Variants in ULK4 observed in about 807,000 individuals in gnomAD.
ULK4 encodes inactive serine/threonine-protein kinase ULK4.
In ULK4, 133 loss-of-function variants were observed where a neutral mutation model predicts 160.6. The observed-to-expected ratio is 0.83, with a 90% confidence interval of 0.72 to 0.96. The LOEUF is 0.96. ULK4 is among the 40% of genes least tolerant of loss of function. The pLI is 0.00. For synonymous variants in ULK4, 534 were observed against 539.8 expected, an observed-to-expected ratio of 0.99 and a Z score of 0.15; for missense variants, 1,580 against 1,499.5, an observed-to-expected ratio of 1.05 and a Z score of -0.89.
intron 21 of ULK4, among the ~76,000 whole-genome samples, chr3:41,758,545 A>G (rs2038880027): frequency 6.6e-6 from 1 of 152,192 alleles, no homozygotes; most frequent in East Asian, 1.9e-4. Flanking sequence ...AAACTTGATG[A>G]CCAAGTGAGG....
At position 41,519,681 on chromosome 3, in the gene ULK4, C is replaced by T. The variant is rs1046333673; in HGVS notation, c.3226+46344G>A. On this transcript the variant is annotated intron_variant, in intron 32 of 36. Transcript: ENST00000301831. ...ACAGTGCGCACACGAATAAAAGAAA[C>T]ACTGTGTACATTTTATTCATTTTGC... Among the ~76,000 whole-genome samples the T allele has an allele frequency of 2.6e-5, 4 of 152,156 alleles. No homozygotes were observed. In the East Asian group the frequency reaches 7.7e-4, roughly 29 times the overall value.
intron 27 of ULK4, among the ~76,000 whole-genome samples, chr3:41,689,397 C>A (rs1401024425): frequency 6.6e-6 from 1 of 152,146 alleles, no homozygotes; most frequent in Non-Finnish European, 1.5e-5. Context: ...AGCAGCAACA[C>A]CAACAATTTA....
At chr3:41,920,267 G>A (rs1699137983) in intron 5 of ULK4, among the ~76,000 whole-genome samples, 3 of 152,148 alleles carry the variant, frequency 2.0e-5, no homozygotes, top group Non-Finnish European at 4.4e-5. Context: ...CTTGGAGGCA[G>A]GGAGAAAGAA....
At chr3:41,443,536 G>C (rs1325718209) in intron 34 of ULK4, among the ~76,000 whole-genome samples, 1 of 152,138 alleles carries the variant, frequency 6.6e-6, no homozygotes, top group Non-Finnish European at 1.5e-5. Flanking sequence ...TTTCTTGACT[G>C]AAGAGCTAAT....
At chr3:41,450,104 A>G (rs2125866172) in intron 34 of ULK4, among the ~76,000 whole-genome samples, 1 of 152,230 alleles carries the variant, frequency 6.6e-6, no homozygotes, top group East Asian at 1.9e-4. Flanking sequence ...AGGCTGTAGC[A>G]TCATTTCTTA....
chr3:41,360,758 G>A (rs569773295), intron 35 of ULK4, among the ~76,000 whole-genome samples: 1 of 152,244 alleles, frequency 6.6e-6, no homozygotes, highest in South Asian at 2.1e-4. Flanking sequence ...ACACATTGGG[G>A]CCTGTCAGAG....
At chr3:41,792,772 A>G (rs2040188647) in intron 20 of ULK4, among the ~76,000 whole-genome samples, 1 of 152,266 alleles carries the variant, frequency 6.6e-6, no homozygotes, top group Non-Finnish European at 1.5e-5. Flanking sequence ...AACTGAGAAG[A>G]TGCACAGAGC....
At chr3:41,623,404 A>C (rs2033347311) in intron 30 of ULK4, among the ~76,000 whole-genome samples, 1 of 152,218 alleles carries the variant, frequency 6.6e-6, no homozygotes, top group Non-Finnish European at 1.5e-5. Context: ...TCTAGCAAAA[A>C]AAAATGTGAT....
intron 27 of ULK4, among the ~76,000 whole-genome samples, chr3:41,701,273 A>C (rs2036665793): frequency 6.6e-6 from 1 of 151,712 alleles, no homozygotes; most frequent in South Asian, 2.1e-4. Flanking sequence ...ATTTAGTTAC[A>C]TCATAGTGAA....
intron 30 of ULK4, among the ~76,000 whole-genome samples, chr3:41,646,705 C>T (rs1454259853): frequency 2.0e-5 from 3 of 152,028 alleles, no homozygotes; most frequent in East Asian, 1.9e-4. Flanking sequence ...ATCTTTGTGG[C>T]GTTCTCTGTA....
chr3:41,579,659 A>G (rs990964703), intron 31 of ULK4, among the ~76,000 whole-genome samples: 1 of 151,478 alleles, frequency 6.6e-6, no homozygotes, highest in Non-Finnish European at 1.5e-5. Flanking sequence ...ATGCCCGGCT[A>G]ATTTTTGTAT....
chr3:41,705,027 G>T, intron 27 of ULK4, 30 bp downstream of exon 27: 1 of 1,546,274 alleles, frequency 6.5e-7, no homozygotes. Flanking sequence ...AATTTAAAAG[G>T]AGCTTTTTTC....
chr3:41,315,210 G>C (rs1040787993), intron 35 of ULK4, among the ~76,000 whole-genome samples: 1 of 151,998 alleles, frequency 6.6e-6, no homozygotes, highest in African/African-American at 2.4e-5. Context: ...ATATTATTTT[G>C]GATGAAGTTC....
chr3:41,567,849 A>C (rs1308262209), intron 31 of ULK4, among the ~76,000 whole-genome samples: 1 of 152,168 alleles, frequency 6.6e-6, no homozygotes, highest in East Asian at 1.9e-4. Flanking sequence ...TTTTGAAATA[A>C]CTTTAGCTTT....
In ULK4 at chr3:41,560,607, T is replaced by A. The variant is rs542628192; in HGVS notation, c.3226+5418A>T. On this transcript the variant is annotated intron_variant, in intron 32 of 36. Transcript: ENST00000301831. ...CCTTTTAAGTTGGATTCCTAGGTATTTTATTCTCTTTGTAGCAATTGTGAA... is the reference window on the plus strand; with the variant it reads ...CCTTTTAAGTTGGATTCCTAGGTATATTATTCTCTTTGTAGCAATTGTGAA... Among the ~76,000 whole-genome samples the A allele has an allele frequency of 8.5e-5, 13 of 152,344 alleles. No homozygotes were observed. The South Asian group carries it at 1.4e-3, about 17-fold the overall frequency.
chr3:41,664,415 G>C (rs1434496379), intron 29 of ULK4, among the ~76,000 whole-genome samples: 2 of 152,044 alleles, frequency 1.3e-5, no homozygotes, highest in Non-Finnish European at 2.9e-5. Context: ...CTTCCATGAG[G>C]GGTCACACGC....
intron 35 of ULK4, among the ~76,000 whole-genome samples, chr3:41,258,147 T>A (rs797014550): frequency 3.3e-5 from 5 of 152,262 alleles, no homozygotes; most frequent in African/African-American, 1.2e-4. Flanking sequence ...AACATTAGAT[T>A]CCACTGTATC....
intron 21 of ULK4, among the ~76,000 whole-genome samples, chr3:41,785,591 A>G (rs754177272): frequency 1.3e-5 from 2 of 152,178 alleles, no homozygotes. Flanking sequence ...CCAAAAAACA[A>G]CACGTAGAAT....
chr3:41,737,343 C>T (rs1443977034), intron 22 of ULK4, among the ~76,000 whole-genome samples: 1 of 151,878 alleles, frequency 6.6e-6, no homozygotes, highest in Non-Finnish European at 1.5e-5. Context: ...AACTACAAAC[C>T]ACTGCTCAAT....
Sources: gnomAD v4.1 joint callset for allele counts (sites outside exome capture counted in the v4.1 genomes callset) on GRCh38, gnomAD v4.1.1 for gene constraint, MANE v1.5 for transcripts, NCBI Gene and HGNC (gene_info 2026-07-23, HGNC 2026-07-21) for gene names.